SMC5: variants seen among roughly 807,000 people sequenced by gnomAD.
SMC5 encodes structural maintenance of chromosomes 5, also known as structural maintenance of chromosomes protein 5.
Under a neutral mutation model 148.3 loss-of-function variants are expected in SMC5, and 88 were observed. The ratio of observed to expected loss-of-function variants is 0.59; its 90% CI spans 0.50 to 0.71. The LOEUF (loss-of-function observed/expected upper bound fraction) is 0.71. Ranked by LOEUF, SMC5 falls within the 30% of genes least tolerant of loss-of-function variation. SMC5 has a pLI of 0.00. For synonymous variants in SMC5, 421 were observed against 432.8 expected (o/e 0.97, Z 0.34); for missense variants, 1,142 against 1,298.9 (o/e 0.88, Z 1.86).
chr9:70,305,224 C>A, intron 10 of SMC5, 23 bp from the exon 11 acceptor site: 1 of 1,125,264 alleles, frequency 8.9e-7, no homozygotes, highest in Non-Finnish European at 1.3e-6. Flanking sequence ...TGAAATTCGA[C>A]CTTTTTTTGC....
At chr9:70,334,802 G>A (rs965969726) in intron 17 of SMC5, among the ~76,000 whole-genome samples, 1 of 152,068 alleles carries the variant, frequency 6.6e-6, no homozygotes, top group Non-Finnish European at 1.5e-5. Context: ...GAACTTCACC[G>A]TACTAAAGGA....
At chr9:70,282,791 A>C (rs1189629501) in intron 7 of SMC5, among the ~76,000 whole-genome samples, 2 of 152,178 alleles carry the variant, frequency 1.3e-5, no homozygotes, top group Non-Finnish European at 2.9e-5. Flanking sequence ...TCCAAGATAT[A>C]AAGAGAGAAA....
In SMC5 at chr9:70,280,791, G is replaced by A. The variant is rs550415669; in HGVS notation, c.711G>A (p.Gln237=). The part of the protein sequence containing the change: ...TSCKEKTEYL[Q]KMVQRNERYK... ...GCAAAGAGAAAACTGAGTATCTACA[G>A]AAAATGGTTCAGAGGAATGAAAGAT... Residue 237 remains glutamine, a synonymous_variant, in exon 6 of 25, where the codon CAG becomes CAA. Transcript: ENST00000361138. 13 of 1,613,248 alleles carry A rather than the reference G, an allele frequency of 8.1e-6. No individual in the cohort carries two copies. Among genetic ancestry groups the A allele is most frequent in the Non-Finnish European group, 1.1e-5 (13 of 1,179,734 alleles).
At chr9:70,336,919 G>A (rs1405838823) in intron 17 of SMC5, among the ~76,000 whole-genome samples, 4 of 152,296 alleles carry the variant, frequency 2.6e-5, no homozygotes, top group African/African-American at 9.6e-5. Flanking sequence ...GTTCCATATG[G>A]CTGGGGAGGC....
intron 17 of SMC5, among the ~76,000 whole-genome samples, chr9:70,330,879 AAAAAGT>A (rs1205925575): frequency 1.3e-5 from 2 of 152,194 alleles, no homozygotes; most frequent in East Asian, 3.8e-4. Flanking sequence ...TTTAAAAAGC[AAAAAGT>A]AATGGGTTAA....
chr9:70,320,992 G>A (rs537746729), intron 15 of SMC5, among the ~76,000 whole-genome samples: 2 of 152,202 alleles, frequency 1.3e-5, no homozygotes, highest in Admixed American at 6.5e-5. Context: ...TGGTGAGAAA[G>A]GCAAATGATG....
intron 3 of SMC5, among the ~76,000 whole-genome samples, chr9:70,271,485 C>A (rs1381183462): frequency 1.3e-5 from 2 of 152,260 alleles, no homozygotes; most frequent in East Asian, 1.9e-4. Flanking sequence ...GTAGAATAAT[C>A]TCTGGCATGT....
At chr9:70,323,364 G>A (rs1432132905) in intron 15 of SMC5, 119 bp from the exon 16 acceptor site, 6 of 908,692 alleles carry the variant, frequency 6.6e-6, no homozygotes, top group African/African-American at 3.4e-5. Flanking sequence ...TATGGGCCAG[G>A]CACTATATAT....
At chr9:70,262,883 A>G (rs2117941641) in intron 1 of SMC5, among the ~76,000 whole-genome samples, 1 of 152,252 alleles carries the variant, frequency 6.6e-6, no homozygotes, top group Admixed American at 6.5e-5. Context: ...TCGTAGAATC[A>G]GAAGATTGAT....
chr9:70,293,265 A>G (rs547694657), intron 8 of SMC5, among the ~76,000 whole-genome samples: 1 of 152,194 alleles, frequency 6.6e-6, no homozygotes, highest in African/African-American at 2.4e-5. Context: ...AAATTCTCTT[A>G]TCCTTTGATA....
At chr9:70,340,613 T>C (rs1247740173) in intron 17 of SMC5, among the ~76,000 whole-genome samples, 2 of 152,128 alleles carry the variant, frequency 1.3e-5, no homozygotes, top group Admixed American at 1.3e-4. Context: ...TTACAGCTAA[T>C]GTTTTAGTAA....
At chr9:70,295,017 CAATT>C (rs1246668598) in intron 8 of SMC5, among the ~76,000 whole-genome samples, 1 of 151,968 alleles carries the variant, frequency 6.6e-6, no homozygotes, top group Non-Finnish European at 1.5e-5. Flanking sequence ...AAGTGGGGCT[CAATT>C]AAAGGAGGAA....
chr9:70,277,849 A>T (rs1319466400), intron 4 of SMC5, among the ~76,000 whole-genome samples: 1 of 151,280 alleles, frequency 6.6e-6, no homozygotes, highest in East Asian at 1.9e-4. Context: ...GATATAATAA[A>T]ACTCCTATAT....
intron 3 of SMC5, among the ~76,000 whole-genome samples, chr9:70,276,679 G>C (rs2034601871): frequency 1.3e-5 from 2 of 152,198 alleles, no homozygotes; most frequent in Admixed American, 1.3e-4. Context: ...TGAAGAAGAT[G>C]GATGAATAGA....
In SMC5 at chr9:70,342,407, A is replaced by T. The variant is rs148557207; in HGVS notation, c.2398-1737A>T. Among the ~76,000 whole-genome samples, 597 of 151,930 alleles carry T rather than the reference A, an allele frequency of 3.9e-3. 3 individuals are homozygous for T. The highest frequency in any genetic ancestry group is 0.013 in the African/African-American group (551 of 41,490). On this transcript the variant is annotated intron_variant, in intron 17 of 24. Transcript: ENST00000361138. The stretch of plus-strand genomic sequence containing the variant: ...AAGTGTAATAATAATAAAATAATAA[A>T]TAATAATAATACAGGTGTCCAGACC...
chr9:70,349,687 C>T lies in SMC5; in HGVS notation c.2890-427C>T, dbSNP rs547178466. ...ACCATACACAACCACTTCTCTAGCA[C>T]AAGAGAGCATGACACTCCATTATGT... On this transcript the variant is annotated intron_variant, in intron 22 of 24. Transcript: ENST00000361138. Among the ~76,000 whole-genome samples, 4 of 152,272 alleles carry T rather than the reference C, an allele frequency of 2.6e-5. No individual in the cohort carries two copies. In the South Asian group the frequency reaches 8.3e-4, roughly 32 times the overall value.
At chr9:70,286,959 C>T (rs550627441) in intron 8 of SMC5, among the ~76,000 whole-genome samples, 110 of 152,240 alleles carry the variant, frequency 7.2e-4, no homozygotes, top group Non-Finnish European at 1.4e-3. Flanking sequence ...TCAAGCTATC[C>T]ACCTGCCTTG....
chr9:70,308,046 T>C (rs748495295), intron 11 of SMC5, among the ~76,000 whole-genome samples: 11 of 152,312 alleles, frequency 7.2e-5, no homozygotes, highest in Non-Finnish European at 1.6e-4. Flanking sequence ...TGTTCATTGC[T>C]GCTGGTATCT....
chr9:70,319,114 T>C lies in SMC5; in HGVS notation c.2150+151T>C, dbSNP rs560420385. 1.7e-5 allele frequency: 12 copies of C among 709,600 alleles called. No individual in the cohort carries two copies. In the African/African-American group the frequency reaches 2.0e-4, roughly 12 times the overall value. 44.0% of individuals were successfully genotyped at this position (709,600 alleles called of 1,614,324 possible). ...CTTACTGCATAAAACACAATTTTAT[T>C]CCATAGGGCAAAAGGAGATGAATCT... On this transcript the variant is annotated intron_variant, in intron 15 of 24. Transcript: ENST00000361138.
Sources: gnomAD v4.1 joint callset for allele counts (sites outside exome capture counted in the v4.1 genomes callset) on GRCh38, gnomAD v4.1.1 for gene constraint, MANE v1.5 for transcripts, NCBI Gene and HGNC (gene_info 2026-07-23, HGNC 2026-07-21) for gene names.